DSC3: variants seen among roughly 807,000 people sequenced by gnomAD.
The protein encoded by DSC3 is desmocollin-3.
DSC3 carries 97 observed loss-of-function variants against 89.5 expected under a neutral mutation model. The ratio of observed to expected loss-of-function variants is 1.08; its 90% CI spans 0.92 to 1.28. The LOEUF (loss-of-function observed/expected upper bound fraction) is 1.28, where lower values mean the gene tolerates loss of function less well. Among genes scored for constraint, DSC3 ranks in the 50% most tolerant of loss-of-function variants. The pLI is 0.00. For synonymous variants in DSC3, 436 were observed against 384.1 expected (o/e 1.14, Z -1.58); for missense variants, 1,199 against 1,085.3 (o/e 1.10, Z -1.47).
At chr18:31,036,482 G>GT (rs1042277432) in intron 1 of DSC3, among the ~76,000 whole-genome samples, 1 of 150,864 alleles carries the variant, frequency 6.6e-6, no homozygotes, top group East Asian at 2.0e-4. Context: ...CTTCAATTTT[G>GT]TTTTTTTCAT....
chr18:30,996,132 T>C (rs1984457301), intron 15 of DSC3, among the ~76,000 whole-genome samples: 1 of 152,040 alleles, frequency 6.6e-6, no homozygotes, highest in African/African-American at 2.4e-5. Flanking sequence ...CATGGTGCTT[T>C]GTATATTTAA....
chr18:30,995,266 G>T (rs1241772044), intron 15 of DSC3, among the ~76,000 whole-genome samples: 1 of 152,050 alleles, frequency 6.6e-6, no homozygotes, highest in Non-Finnish European at 1.5e-5. Flanking sequence ...CCATTACCTG[G>T]TGTGCAACTG....
chr18:31,025,149 G>A lies in DSC3; in HGVS notation c.630+611C>T, dbSNP rs150299393. ...TTGTAGGAACAGAATCTCTCTTTCCGAAAATCATTCCATCAGAATCATGGG... is the reference window on the plus strand; with the variant it reads ...TTGTAGGAACAGAATCTCTCTTTCCAAAAATCATTCCATCAGAATCATGGG... On this transcript the variant is annotated intron_variant, in intron 5 of 15. Coordinates refer to ENST00000360428, the MANE Select transcript of DSC3 (RefSeq NM_001941.5). Among the ~76,000 whole-genome samples the A allele has an allele frequency of 2.5e-4, 38 of 152,144 alleles. No individual in the cohort carries two copies. The East Asian group carries it at 5.6e-3, about 22-fold the overall frequency.
chr18:31,032,307 A>C, intron 1 of DSC3, 31 bp from the exon 2 acceptor site: 1 of 1,490,276 alleles, frequency 6.7e-7, no homozygotes. Context: ...TTAATACAGT[A>C]GAAAATAAAG....
intron 14 of DSC3, among the ~76,000 whole-genome samples, chr18:30,997,870 A>G (rs9947606): frequency 0.014 from 2,101 of 152,296 alleles, 35 homozygotes; most frequent in African/African-American, 0.048. Context: ...CAACCACTGT[A>G]GAAGGGTCTG....
chr18:31,014,149 G>A (rs1225286844), intron 9 of DSC3, among the ~76,000 whole-genome samples: 1 of 151,820 alleles, frequency 6.6e-6, no homozygotes, highest in African/African-American at 2.4e-5. Context: ...ACAGAATAAG[G>A]AATACAGAAT....
intron 9 of DSC3, among the ~76,000 whole-genome samples, chr18:31,010,650 TC>T (rs1307395770): frequency 6.6e-6 from 1 of 152,184 alleles, no homozygotes; most frequent in East Asian, 1.9e-4. Context: ...CTTAAAAATA[TC>T]CCACATCTGC....
intron 9 of DSC3, among the ~76,000 whole-genome samples, chr18:31,017,592 A>C (rs1234538465): frequency 1.3e-5 from 2 of 152,190 alleles, no homozygotes; most frequent in African/African-American, 2.4e-5. Context: ...TATTATAGAG[A>C]AAATGAGAAG....
At chr18:31,004,396 T>C in intron 12 of DSC3, 30 bp from the exon 13 acceptor site, 1 of 1,589,042 alleles carries the variant, frequency 6.3e-7, no homozygotes, top group Non-Finnish European at 8.6e-7. Context: ...GTTTATTTTT[T>C]AATGATCATT....
chr18:31,031,320 T>C, intron 2 of DSC3, 148 bp from the exon 3 acceptor site: 1 of 593,726 alleles, frequency 1.7e-6, no homozygotes, highest in South Asian at 2.5e-5. Flanking sequence ...AACCTGTTTT[T>C]TACATTACTT....
At chr18:31,007,979 T>G in intron 11 of DSC3, 37 bp downstream of exon 11, 1 of 1,531,658 alleles carries the variant, frequency 6.5e-7, no homozygotes, top group Non-Finnish European at 9.0e-7. Flanking sequence ...ATTCTCTAAT[T>G]CCTTTATAGA....
At chr18:31,017,126 A>T (rs1355756945) in intron 9 of DSC3, among the ~76,000 whole-genome samples, 1 of 152,162 alleles carries the variant, frequency 6.6e-6, no homozygotes, top group Non-Finnish European at 1.5e-5. Flanking sequence ...TTTAGTATTC[A>T]ATTTGAGCAG....
In DSC3 at chr18:31,004,216, G is replaced by C; in HGVS notation, c.2039C>G (p.Thr680Ser). 1 of 1,613,966 alleles carries C rather than the reference G, an allele frequency of 6.2e-7. No individual in the cohort carries two copies. Among genetic ancestry groups the C allele is most frequent in the Non-Finnish European group, 8.5e-7 (1 of 1,179,914 alleles). ...ECTHPTQCRA[T>S]SRSTGVILGK... ...AAGTATTACTCCTGTACTCCTTGAA[G>C]TCGCACGACACTGAGTTGGATGAGT... is the stretch of plus-strand genomic sequence containing the variant. The change falls in exon 13 of 16, where the codon ACT becomes AGT. Residue 680 changes from threonine to serine, a missense_variant. Transcript: ENST00000360428.
chr18:31,006,621 A>G (rs1984852893), intron 12 of DSC3, among the ~76,000 whole-genome samples: 1 of 152,162 alleles, frequency 6.6e-6, no homozygotes, highest in Admixed American at 6.5e-5. Context: ...TTTTAAAAAC[A>G]TGCACACACA....
chr18:31,023,412 C>G (rs891961495), intron 6 of DSC3, among the ~76,000 whole-genome samples: 5 of 151,980 alleles, frequency 3.3e-5, no homozygotes, highest in African/African-American at 1.2e-4. Flanking sequence ...GTGTGTATTC[C>G]ATAACATCAT....
chr18:31,036,354 A>G lies in DSC3; in HGVS notation c.70-4078T>C, dbSNP rs140187310. ...ATTTGCCATTTATCTTCTGTAAATC[A>G]TCTATTCTTCCTCCTTTAATCACTT... is the stretch of plus-strand genomic sequence containing the variant. On this transcript the variant is annotated intron_variant, in intron 1 of 15. Transcript: ENST00000360428. Among the ~76,000 whole-genome samples, 848 of 152,188 alleles carry G rather than the reference A, an allele frequency of 5.6e-3. 13 individuals are homozygous for G. The highest frequency in any genetic ancestry group is 0.019 in the African/African-American group (790 of 41,540).
intron 1 of DSC3, among the ~76,000 whole-genome samples, chr18:31,035,698 G>T (rs893176487): frequency 4.6e-5 from 7 of 151,586 alleles, no homozygotes; most frequent in Non-Finnish European, 2.9e-5. Context: ...AATGCTCAGT[G>T]CCCATCTAGA....
chr18:31,031,184 A>G lies in DSC3; in HGVS notation c.155-12T>C. 6.3e-7 allele frequency: 1 copy of G among 1,599,970 alleles called. No individual in the cohort carries two copies. The highest frequency in any genetic ancestry group is 8.5e-7 in the Non-Finnish European group (1 of 1,171,236). On this transcript the variant is annotated splice_polypyrimidine_tract_variant and intron_variant, in intron 2 of 15. Transcript: ENST00000360428. The stretch of plus-strand genomic sequence containing the variant: ...CTCTTCCAAATTAACTGCAAGTAAA[A>G]ATTTCCAAGTTGTAAGGTAAAAACA...
At chr18:31,001,782 A>G (rs1382438117) in intron 13 of DSC3, 43 bp from the exon 14 acceptor site, 3 of 1,413,886 alleles carry the variant, frequency 2.1e-6, no homozygotes, top group African/African-American at 1.4e-5. Flanking sequence ...TTTAGCATAC[A>G]TAGAATAAAA....
Sources: allele counts gnomAD v4.1 joint callset (sites outside exome capture counted in the v4.1 genomes callset), GRCh38; gene constraint gnomAD v4.1.1; transcripts MANE v1.5; gene names NCBI Gene and HGNC (gene_info 2026-07-23, HGNC 2026-07-21).